CNTLN: variants seen among roughly 807,000 people sequenced by gnomAD.
CNTLN encodes centlein, centrosomal protein.
Under a neutral mutation model 180.0 loss-of-function variants are expected in CNTLN, and 212 were observed. That is an observed-to-expected ratio of 1.18 (90% CI 1.05 to 1.32). The LOEUF is 1.32. Ranked by LOEUF, CNTLN falls within the 40% of genes most tolerant of loss-of-function variation. CNTLN has a pLI of 0.00. For synonymous variants in CNTLN, 722 were observed against 563.1 expected (o/e 1.28, Z -3.99); for missense variants, 2,095 against 1,610.9 (o/e 1.30, Z -5.14).
chr9:17,366,793 C>G (rs1355959868), intron 13 of CNTLN, 76 bp downstream of exon 13: 1 of 828,572 alleles, frequency 1.2e-6, no homozygotes, highest in Non-Finnish European at 2.0e-6. Flanking sequence ...GTTTCAATTT[C>G]TTTTAAGAAT....
intron 3 of CNTLN, among the ~76,000 whole-genome samples, chr9:17,229,527 A>G (rs912566382): frequency 2.0e-5 from 3 of 152,038 alleles, no homozygotes; most frequent in Non-Finnish European, 4.4e-5. Context: ...GGAACAGTTT[A>G]TGTTACATTG....
In CNTLN at chr9:17,366,605, G is replaced by C; in HGVS notation, c.1887-12G>C. The C allele has an allele frequency of 7.6e-7, 1 of 1,323,842 alleles. No individual in the cohort carries two copies. Among genetic ancestry groups the C allele is most frequent in the Non-Finnish European group, 1.1e-6 (1 of 930,376 alleles). The allele number at this position is 1,323,842 out of a possible 1,614,324, so 82.0% of individuals were successfully genotyped here. On this transcript the variant is annotated splice_polypyrimidine_tract_variant and intron_variant, in intron 12 of 25. Coordinates refer to ENST00000380647, the MANE Select transcript of CNTLN (RefSeq NM_017738.4). ...ATATGGTTTTAAGTAAATGTTTATT[G>C]CTTTTTCATAGGATGAATCTTGAAG...
intron 3 of CNTLN, among the ~76,000 whole-genome samples, chr9:17,227,780 AT>A: frequency 6.6e-6 from 1 of 152,102 alleles, no homozygotes; most frequent in South Asian, 2.1e-4. Context: ...CTTATAGAAA[AT>A]GTCATAATTG....
intron 6 of CNTLN, among the ~76,000 whole-genome samples, chr9:17,276,830 A>T (rs1197151622): frequency 6.6e-6 from 1 of 152,102 alleles, no homozygotes; most frequent in African/African-American, 2.4e-5. Flanking sequence ...TAGTTGTTAT[A>T]CTGTATTTTT....
chr9:17,247,707 A>G (rs1186265196), intron 5 of CNTLN, among the ~76,000 whole-genome samples: 1 of 150,368 alleles, frequency 6.7e-6, no homozygotes, highest in East Asian at 1.9e-4. Context: ...CTATTTAGCC[A>G]TCTTGCTCCA....
chr9:17,299,228 G>A (rs1048728531), intron 7 of CNTLN: 2 of 154,044 alleles, frequency 1.3e-5, no homozygotes, highest in Admixed American at 8.0e-5. Context: ...GGCGACAGGG[G>A]GAGACAACGT....
intron 3 of CNTLN, among the ~76,000 whole-genome samples, chr9:17,230,657 G>C (rs1824755894): frequency 6.6e-6 from 1 of 151,958 alleles, no homozygotes; most frequent in Admixed American, 6.6e-5. Flanking sequence ...GCAGGCCTTG[G>C]TAAGAAGAAA....
In CNTLN at chr9:17,383,138, A is replaced by G. The variant is rs546058414; in HGVS notation, c.1988-5024A>G. Among the ~76,000 whole-genome samples, 4 of 152,180 alleles carry G rather than the reference A, an allele frequency of 2.6e-5. No homozygotes were observed. The East Asian group carries it at 5.8e-4, about 22-fold the overall frequency. On this transcript the variant is annotated intron_variant, in intron 13 of 25. Coordinates refer to ENST00000380647, the MANE Select transcript of CNTLN (RefSeq NM_017738.4). ...ATAAAATATTATATAAAACATATGCATTGTACGTATATGTATATACACACA... is the reference window on the plus strand; with the variant it reads ...ATAAAATATTATATAAAACATATGCGTTGTACGTATATGTATATACACACA...
At chr9:17,515,213 C>G in the CNTLN span, among the ~76,000 whole-genome samples, 1 of 152,140 alleles carries the variant, frequency 6.6e-6, no homozygotes, top group Non-Finnish European at 1.5e-5. Flanking sequence ...CTTCACTTTG[C>G]TTCTTGTACC....
intron 13 of CNTLN, among the ~76,000 whole-genome samples, chr9:17,372,043 T>C (rs76920856): frequency 0.04 from 6,030 of 152,058 alleles, 195 homozygotes; most frequent in Non-Finnish European, 0.053. Context: ...TAACGATGCA[T>C]CTTGAAGAGC....
intron 5 of CNTLN, among the ~76,000 whole-genome samples, chr9:17,254,416 T>G (rs973049670): frequency 2.0e-5 from 3 of 151,600 alleles, no homozygotes; most frequent in African/African-American, 4.8e-5. Context: ...GTTGGGAATT[T>G]TCTAGTTTTG....
intron 25 of CNTLN, among the ~76,000 whole-genome samples, chr9:17,500,370 A>C (rs1304222122): frequency 6.6e-6 from 1 of 152,214 alleles, no homozygotes; most frequent in African/African-American, 2.4e-5. Flanking sequence ...TCAGATTACA[A>C]GATAATAAGA....
intron 10 of CNTLN, among the ~76,000 whole-genome samples, chr9:17,340,189 G>A (rs1732820414): frequency 6.6e-6 from 1 of 152,058 alleles, no homozygotes; most frequent in Admixed American, 6.6e-5. Context: ...GACTATAATT[G>A]TCTAACCTAG....
At position 17,135,174 on chromosome 9, in the gene CNTLN, G is replaced by A. The variant is rs1817611069; in HGVS notation, c.109G>A (p.Glu37Lys). ...RGAEVHAMRS[E>K]ASGFAGAARE... Reference sequence around the variant, plus strand: ...AGCTGAAGTACACGCAATGCGCAGCGAGGCCTCGGGTTTTGCCGGCGCAGC... The same window carrying A: ...AGCTGAAGTACACGCAATGCGCAGCAAGGCCTCGGGTTTTGCCGGCGCAGC... Residue 37 changes from glutamate (E) to lysine (K), a missense_variant, in exon 1 of 26, where the codon GAG becomes AAG. Physicochemically the swap from Glu to Lys is moderately conservative, Grantham distance 56 (BLOSUM62 1). Transcript: ENST00000380647. 2 of 1,610,250 alleles carry A rather than the reference G, an allele frequency of 1.2e-6. No individual in the cohort carries two copies. Among genetic ancestry groups the A allele is most frequent in the African/African-American group, 1.3e-5 (1 of 75,048 alleles).
chr9:17,400,937 C>G (rs921422702), intron 15 of CNTLN, among the ~76,000 whole-genome samples: 1 of 152,146 alleles, frequency 6.6e-6, no homozygotes, highest in African/African-American at 2.4e-5. Context: ...TCCACACACA[C>G]ATAAAAATCT....
At chr9:17,388,109 C>T (rs1196884548) in intron 13 of CNTLN, 53 bp from the exon 14 acceptor site, 2 of 1,108,876 alleles carry the variant, frequency 1.8e-6, no homozygotes, top group Non-Finnish European at 2.6e-6. Flanking sequence ...AATGACAGGA[C>T]AGTATTTCAG....
chr9:17,147,102 T>C (rs1818508756), intron 2 of CNTLN, among the ~76,000 whole-genome samples: 1 of 152,206 alleles, frequency 6.6e-6, no homozygotes, highest in African/African-American at 2.4e-5. Flanking sequence ...TACCAGAAGG[T>C]TTCTCCTTTG....
chr9:17,488,215 TTGTC>T (rs1832984835), intron 25 of CNTLN, among the ~76,000 whole-genome samples: 1 of 152,146 alleles, frequency 6.6e-6, no homozygotes, highest in Non-Finnish European at 1.5e-5. Context: ...TTTTGAAACA[TTGTC>T]TGGAATCACT....
At chr9:17,518,064 A>G in the CNTLN span, among the ~76,000 whole-genome samples, 1 of 42,046 alleles carries the variant, frequency 2.4e-5, no homozygotes, top group African/African-American at 8.5e-5. Context: ...TTTTTTTGAG[A>G]CGGAGTCTTG....
Sources: allele counts gnomAD v4.1 joint callset (sites outside exome capture counted in the v4.1 genomes callset), GRCh38; gene constraint gnomAD v4.1.1; transcripts MANE v1.5; gene names NCBI Gene and HGNC (gene_info 2026-07-23, HGNC 2026-07-21).